The following SAFB variants were observed in gnomAD, a reference collection of about 807,000 sequenced individuals.
SAFB encodes scaffold attachment factor B1.
Under a neutral mutation model 101.6 loss-of-function variants are expected in SAFB, and 15 were observed. That is an observed-to-expected ratio of 0.15 (90% confidence interval 0.10 to 0.23). The LOEUF is 0.23. Among genes scored for constraint, SAFB ranks in the 10% least tolerant of loss-of-function variants. The probability of loss-of-function intolerance (pLI) is 1.00; values close to 1 mark genes in which losing one functional copy is unlikely to be tolerated. For missense variants in SAFB, 930 were observed against 1,104.1 expected (o/e 0.84, Z 2.23); for synonymous variants, 449 against 407.5 (o/e 1.10, Z -1.23).
In SAFB at chr19:5,668,200, A is replaced by C. The variant is rs371779844; in HGVS notation, c.2663A>C (p.His888Pro). 4.4e-6 allele frequency: 7 copies of C among 1,606,640 alleles called. No homozygotes were observed. Among genetic ancestry groups the C allele is most frequent in the Middle Eastern group, 1.7e-4 (1 of 6,000 alleles). Reference sequence around the variant, plus strand: ...GCCCCAGGCGGGGCCTCCCGGGGCCACCCCATCCCACACGGTGGCATGCAG... The same window carrying C: ...GCCCCAGGCGGGGCCTCCCGGGGCCCCCCCATCCCACACGGTGGCATGCAG... ...SFAPGGASRG[H>P]PIPHGGMQGG... The change falls in exon 21 of 21, where the codon CAC (histidine) becomes CCC (proline). Residue 888 changes from histidine to proline, a missense_variant. Physicochemically the swap from His to Pro is moderately conservative, Grantham distance 77. Around this residue, in one of 7 missense-constraint regions of SAFB, gnomAD observed 318 missense variants for 342.6 expected, o/e 0.93. Transcript: ENST00000588852.
intron 2 of SAFB, among the ~76,000 whole-genome samples, chr19:5,632,744 T>G (rs1464311644): frequency 6.6e-6 from 1 of 152,224 alleles, no homozygotes; most frequent in Non-Finnish European, 1.5e-5. Context: ...GTTTTTTGTT[T>G]TGTTTTGGTT....
At chr19:5,624,811 T>C (rs2053317860) in intron 1 of SAFB, among the ~76,000 whole-genome samples, 1 of 152,114 alleles carries the variant, frequency 6.6e-6, no homozygotes, top group Admixed American at 6.5e-5. Context: ...TGGATTCTCT[T>C]TACTCAGATA....
intron 2 of SAFB, among the ~76,000 whole-genome samples, chr19:5,637,265 A>C (rs1360971353): frequency 7.0e-6 from 1 of 142,234 alleles, no homozygotes; most frequent in African/African-American, 2.7e-5. Context: ...AATGGCGTGA[A>C]CCCGGGAGGT....
intron 5 of SAFB, among the ~76,000 whole-genome samples, chr19:5,647,170 G>A (rs1286320766): frequency 6.6e-6 from 1 of 152,232 alleles, no homozygotes; most frequent in Non-Finnish European, 1.5e-5. Context: ...TTTGCTTAGT[G>A]GGGCACAGCT....
chr19:5,628,288 G>A (rs1030067853), intron 2 of SAFB, among the ~76,000 whole-genome samples: 3 of 152,104 alleles, frequency 2.0e-5, no homozygotes, highest in East Asian at 1.9e-4. Context: ...CTTGTAGACC[G>A]AATGTTCTCT....
intron 1 of SAFB, 144 bp downstream of exon 1, chr19:5,623,538 G>A: frequency 6.0e-6 from 4 of 663,180 alleles, no homozygotes; most frequent in Non-Finnish European, 9.9e-6. Flanking sequence ...CGGCTCCTCC[G>A]AGGCCCCGGA....
chr19:5,661,449 A>T (rs768361280), intron 14 of SAFB, 69 bp from the exon 15 acceptor site: 15 of 1,585,522 alleles, frequency 9.5e-6, no homozygotes, highest in East Asian at 2.2e-5. Flanking sequence ...CCAGCGTCTT[A>T]CTTAAAGTCA....
chr19:5,629,088 C>T (rs748175280), intron 2 of SAFB, among the ~76,000 whole-genome samples: 2 of 152,142 alleles, frequency 1.3e-5, no homozygotes, highest in African/African-American at 2.4e-5. Flanking sequence ...TGAGCCACTG[C>T]GCCCGGCAGG....
chr19:5,643,872 AAG>A (rs1214292253), intron 4 of SAFB, among the ~76,000 whole-genome samples: 1 of 151,898 alleles, frequency 6.6e-6, no homozygotes, highest in African/African-American at 2.4e-5. Flanking sequence ...AAAAAAAAAA[AAG>A]AGTTCAGAGG....
At position 5,659,517 on chromosome 19, in the gene SAFB, G is replaced by T. The variant is rs200714516; in HGVS notation, c.1863-2001G>T. Among the ~76,000 whole-genome samples the T allele has an allele frequency of 8.6e-5, 13 of 151,910 alleles. No individual in the cohort carries two copies. The East Asian group carries it at 2.6e-3, about 30-fold the overall frequency. On this transcript the variant is annotated intron_variant, in intron 14 of 20. Coordinates refer to ENST00000588852, the MANE Select transcript of SAFB (RefSeq NM_001201338.2). The stretch of plus-strand genomic sequence containing the variant: ...CTGCCTCAGCCTCCCTAGTAACTGG[G>T]ACTACAGGCGCCTGCCATCATGCCC...
intron 14 of SAFB, 51 bp from the exon 15 acceptor site, chr19:5,661,467 G>T: frequency 6.3e-7 from 1 of 1,599,410 alleles, no homozygotes; most frequent in South Asian, 1.1e-5. Flanking sequence ...TCAGCCCTGG[G>T]ACCTGGCTGG....
At chr19:5,626,338 G>A (rs540651551) in intron 1 of SAFB, 67 bp from the exon 2 acceptor site, 8 of 900,020 alleles carry the variant, frequency 8.9e-6, no homozygotes, top group Non-Finnish European at 1.5e-5. Context: ...CTTGTCACCT[G>A]AGAGCTCTCT....
rs944448058 is a variant in SAFB, at chr19:5,653,273, C to T, written c.1443+9C>T. The stretch of plus-strand genomic sequence containing the variant: ...TGATCTCCGTGGAGAAAGTGAGTGG[C>T]CGTTTTCTTCCCAGGATATAGCCCA... On this transcript the variant is annotated intron_variant, in intron 10 of 20. Transcript: ENST00000588852. The T allele has an allele frequency of 4.3e-6, 7 of 1,614,086 alleles. No individual in the cohort carries two copies. The highest frequency in any genetic ancestry group is 3.3e-5 in the Admixed American group (2 of 60,014).
At chr19:5,631,051 A>G (rs55795027) in intron 2 of SAFB, among the ~76,000 whole-genome samples, 5,774 of 151,778 alleles carry the variant, frequency 0.038, 395 homozygotes, top group African/African-American at 0.13. Flanking sequence ...TTAGCTGGGC[A>G]TGGTGGCGGA....
At chr19:5,642,514 C>T (rs2053739445) in intron 4 of SAFB, among the ~76,000 whole-genome samples, 1 of 151,880 alleles carries the variant, frequency 6.6e-6, no homozygotes, top group South Asian at 2.1e-4. Flanking sequence ...AAGAGTTAAC[C>T]TCAAGTATTA....
chr19:5,623,501 C>G, intron 1 of SAFB, 107 bp downstream of exon 1: 3 of 917,354 alleles, frequency 3.3e-6, no homozygotes, highest in Non-Finnish European at 4.8e-6. Context: ...TTCGCGGCCT[C>G]GCCGGACCTG....
chr19:5,623,357 G>T lies in SAFB; in HGVS notation c.152G>T (p.Ser51Ile). 1.2e-6 allele frequency: 2 copies of T among 1,614,006 alleles called. No homozygotes were observed. Among genetic ancestry groups the T allele is most frequent in the Non-Finnish European group, 1.7e-6 (2 of 1,179,886 alleles). Residue 51 changes from serine to isoleucine, a missense_variant, in exon 1 of 21, where the codon AGC (serine) becomes ATC (isoleucine). By Grantham distance (142) the Ser-to-Ile change is moderately radical. This residue lies in a region of SAFB where 119 missense variants were observed against 171.4 expected (regional missense o/e 0.69). Coordinates refer to ENST00000588852, the MANE Select transcript of SAFB (RefSeq NM_001201338.2). Reference protein sequence around the residue: ...AELRKRNVDSSGNKSVLMERL... With the variant: ...AELRKRNVDSIGNKSVLMERL... ...CTGAGGAAACGGAATGTGGACTCGA[G>T]CGGCAACAAGAGCGTTTTGATGGAG...
At chr19:5,647,275 C>T (rs190814348) in intron 5 of SAFB, among the ~76,000 whole-genome samples, 2 of 152,232 alleles carry the variant, frequency 1.3e-5, no homozygotes, top group African/African-American at 4.8e-5. Flanking sequence ...CTGGACGGGG[C>T]AGGGGAGGGC....
intron 2 of SAFB, 51 bp downstream of exon 2, chr19:5,626,540 G>T (rs371242420): frequency 1.9e-6 from 2 of 1,059,986 alleles, no homozygotes; most frequent in South Asian, 2.6e-5. Context: ...TCTTCAAAAC[G>T]AATACATTGC....
Sources: gnomAD v4.1 joint callset for allele counts (sites outside exome capture counted in the v4.1 genomes callset) on GRCh38, gnomAD v4.1.1 for gene constraint, gnomAD v4.1.1 regional missense constraint, MANE v1.5 for transcripts, NCBI Gene and HGNC (gene_info 2026-07-23, HGNC 2026-07-21) for gene names.